Variants in UNC5D observed in about 807,000 individuals in gnomAD.
The protein encoded by UNC5D is unc-5 netrin receptor D, also known as netrin receptor UNC5D.
Under a neutral mutation model 105.4 loss-of-function variants are expected in UNC5D, and 39 were observed. That is an observed-to-expected ratio of 0.37 (90% CI 0.29 to 0.48). The LOEUF (loss-of-function observed/expected upper bound fraction) is 0.48, where lower values mean the gene tolerates loss of function less well. Ranked by LOEUF, UNC5D falls within the 20% of genes least tolerant of loss-of-function variation. The probability of loss-of-function intolerance (pLI) is 0.98; values close to 1 mark genes in which losing one functional copy is unlikely to be tolerated. For missense variants in UNC5D, 991 were observed against 1,202.4 expected (o/e 0.82, Z 2.60); for synonymous variants, 452 against 450.4 (o/e 1.00, Z -0.04).
chr8:35,443,295 T>C (rs973827633), intron 1 of UNC5D, among the ~76,000 whole-genome samples: 1 of 151,638 alleles, frequency 6.6e-6, no homozygotes, highest in South Asian at 2.1e-4. Flanking sequence ...GTGAGTCAGT[T>C]TGCTCTCTGT....
At chr8:35,780,711 C>A (rs1246731153) in intron 16 of UNC5D, among the ~76,000 whole-genome samples, 1 of 152,124 alleles carries the variant, frequency 6.6e-6, no homozygotes, top group Non-Finnish European at 1.5e-5. Flanking sequence ...TGGGGATTTA[C>A]TATGATCACA....
intron 8 of UNC5D, among the ~76,000 whole-genome samples, chr8:35,715,219 G>A (rs201681247): frequency 1.8e-3 from 281 of 152,152 alleles, no homozygotes; most frequent in Non-Finnish European, 2.7e-3. Context: ...ATAAGATAGC[G>A]TACATTTTCT....
chr8:35,555,290 A>G (rs1231635671), intron 2 of UNC5D, among the ~76,000 whole-genome samples: 2 of 152,204 alleles, frequency 1.3e-5, no homozygotes, highest in Non-Finnish European at 2.9e-5. Context: ...GGAAAATGTT[A>G]TGAATTCCCT....
chr8:35,333,251 T>G (rs897519160), intron 1 of UNC5D, among the ~76,000 whole-genome samples: 5 of 151,972 alleles, frequency 3.3e-5, no homozygotes, highest in Non-Finnish European at 7.4e-5. Context: ...AGTCCAAGAG[T>G]TGGAGGCTGC....
chr8:35,614,691 T>A (rs1820904730), intron 4 of UNC5D, among the ~76,000 whole-genome samples: 1 of 152,054 alleles, frequency 6.6e-6, no homozygotes, highest in Non-Finnish European at 1.5e-5. Context: ...TTAATATAAG[T>A]TATTTTAAAA....
intron 7 of UNC5D, among the ~76,000 whole-genome samples, chr8:35,693,625 G>T (rs1435477568): frequency 6.6e-6 from 1 of 152,130 alleles, no homozygotes; most frequent in African/African-American, 2.4e-5. Flanking sequence ...AGACACAAGA[G>T]CCTAGGTAAG....
At chr8:35,384,887 TG>T (rs1199348114) in intron 1 of UNC5D, among the ~76,000 whole-genome samples, 1 of 152,166 alleles carries the variant, frequency 6.6e-6, no homozygotes, top group Non-Finnish European at 1.5e-5. Flanking sequence ...CCAGAAGTTG[TG>T]GGACTAAACT....
intron 1 of UNC5D, among the ~76,000 whole-genome samples, chr8:35,336,822 G>A (rs1269190940): frequency 6.8e-6 from 1 of 147,282 alleles, no homozygotes; most frequent in Admixed American, 6.8e-5. Flanking sequence ...TTAGTTTACT[G>A]TTTTGGATTT....
At chr8:35,437,678 C>T (rs1025421928) in intron 1 of UNC5D, among the ~76,000 whole-genome samples, 18 of 151,982 alleles carry the variant, frequency 1.2e-4, no homozygotes, top group East Asian at 3.9e-4. Flanking sequence ...TGCTATTAGC[C>T]GATATCTAAG....
intron 1 of UNC5D, among the ~76,000 whole-genome samples, chr8:35,470,788 AAATAAATAAATAAATAAAT>A (rs1389301830): frequency 4.6e-4 from 16 of 34,962 alleles, no homozygotes; most frequent in South Asian, 1.4e-3. Flanking sequence ...ATAAATAAAT[AAATAAATAAATAAATAAAT>A]AAATAAAATA....
At chr8:35,595,477 CT>C in intron 3 of UNC5D, 76 bp from the exon 4 acceptor site, 15 of 1,330,186 alleles carry the variant, frequency 1.1e-5, no homozygotes, top group Admixed American at 3.4e-5. Context: ...ATTAAGCTCA[CT>C]TTTTTTGTAC....
chr8:35,401,905 A>G (rs1250516925), intron 1 of UNC5D, among the ~76,000 whole-genome samples: 1 of 152,218 alleles, frequency 6.6e-6, no homozygotes, highest in Non-Finnish European at 1.5e-5. Context: ...GCTTACTTTC[A>G]TCTCCTGGAC....
intron 4 of UNC5D, among the ~76,000 whole-genome samples, chr8:35,641,366 C>CAAAAAAAAAAAAAAAAAAATAAAAA (rs377021599): frequency 9.0e-5 from 4 of 44,262 alleles, no homozygotes; most frequent in South Asian, 9.7e-4. Context: ...AAAAATAAAG[C>CAAAAAAAAAAAAAAAAAAATAAAAA]AAAAAAAAAA....
chr8:35,634,201 C>A (rs756637787), intron 4 of UNC5D, among the ~76,000 whole-genome samples: 3 of 152,080 alleles, frequency 2.0e-5, no homozygotes, highest in African/African-American at 4.8e-5. Context: ...AGATGAAAAC[C>A]TTAGGCATTT....
Position 35,724,408 on chromosome 8 carries a change from G to A in UNC5D, c.1304-1744G>A, listed in dbSNP as rs551689497. The stretch of plus-strand genomic sequence containing the variant: ...TTTTGAGCAATACATCCAGTGCCCC[G>A]GCAAGGTGAACACTGAGCCTTTTAA... On this transcript the variant is annotated intron_variant, in intron 9 of 16. Coordinates refer to ENST00000404895, the MANE Select transcript of UNC5D (RefSeq NM_080872.4). The A allele has an allele frequency of 2.2e-5, 25 of 1,156,240 alleles. No individual in the cohort carries two copies. In the East Asian group the frequency reaches 4.5e-4, roughly 21 times the overall value. 71.6% of individuals were successfully genotyped at this position (1,156,240 alleles called of 1,614,324 possible).
chr8:35,337,418 C>G (rs1198395103), intron 1 of UNC5D, among the ~76,000 whole-genome samples: 1 of 152,148 alleles, frequency 6.6e-6, no homozygotes, highest in African/African-American at 2.4e-5. Flanking sequence ...TTTTTCCATT[C>G]TGACATAAAA....
In UNC5D at chr8:35,505,455, G is replaced by A. The variant is rs150733680; in HGVS notation, c.104-43837G>A. Among the ~76,000 whole-genome samples, 627 of 152,314 alleles carry A rather than the reference G, an allele frequency of 4.1e-3. 8 individuals carry two copies. The highest frequency in any genetic ancestry group is 0.014 in the African/African-American group (591 of 41,572). On this transcript the variant is annotated intron_variant, in intron 1 of 16. Coordinates refer to ENST00000404895, the MANE Select transcript of UNC5D (RefSeq NM_080872.4). ...CATGCAGCTTTGGAAACTCCTGACA[G>A]TAGAAAGGCTAGCATTGAGCATCAG...
At chr8:35,644,777 C>T (rs796324063) in intron 4 of UNC5D, among the ~76,000 whole-genome samples, 5 of 152,236 alleles carry the variant, frequency 3.3e-5, no homozygotes, top group African/African-American at 1.2e-4. Flanking sequence ...AGAGTTGTGG[C>T]TCATCACATT....
chr8:35,689,188 A>G (rs529439992), intron 7 of UNC5D, among the ~76,000 whole-genome samples: 19 of 152,352 alleles, frequency 1.2e-4, no homozygotes, highest in African/African-American at 4.6e-4. Context: ...TTAATTGACT[A>G]AGACTTAATC....
Sources: gnomAD v4.1 joint callset for allele counts (sites outside exome capture counted in the v4.1 genomes callset) on GRCh38, gnomAD v4.1.1 for gene constraint, MANE v1.5 for transcripts, NCBI Gene and HGNC (gene_info 2026-07-23, HGNC 2026-07-21) for gene names.